TNIK: variants seen among roughly 807,000 people sequenced by gnomAD.
The protein encoded by TNIK is TRAF2 and NCK-interacting protein kinase.
Under a neutral mutation model 191.3 loss-of-function variants are expected in TNIK, and 49 were observed. The observed-to-expected ratio is 0.26, with a 90% CI of 0.20 to 0.32. The LOEUF (loss-of-function observed/expected upper bound fraction) is 0.32, where lower values mean the gene tolerates loss of function less well. Among genes scored for constraint, TNIK ranks in the 10% least tolerant of loss-of-function variants. The probability of loss-of-function intolerance (pLI) is 1.00; values close to 1 mark genes in which losing one functional copy is unlikely to be tolerated. For missense variants in TNIK, 1,155 were observed against 1,702.3 expected, an observed-to-expected ratio of 0.68 and a Z score of 5.66; for synonymous variants, 594 against 600.9, an observed-to-expected ratio of 0.99 and a Z score of 0.17.
chr3:171,358,047 T>A (rs1202010108), intron 2 of TNIK, among the ~76,000 whole-genome samples: 1 of 152,066 alleles, frequency 6.6e-6, no homozygotes, highest in Non-Finnish European at 1.5e-5. Flanking sequence ...CTCCATGAGG[T>A]AGATCCTAAC....
chr3:171,209,049 G>T (rs1204791170), intron 4 of TNIK, among the ~76,000 whole-genome samples: 3 of 142,446 alleles, frequency 2.1e-5, no homozygotes, highest in Admixed American at 1.4e-4. Flanking sequence ...AAAGTAAGGT[G>T]TTTGCTTTGG....
At chr3:171,086,402 T>C (rs1721362232) in intron 24 of TNIK, among the ~76,000 whole-genome samples, 1 of 152,216 alleles carries the variant, frequency 6.6e-6, no homozygotes, top group Non-Finnish European at 1.5e-5. Flanking sequence ...CATTTCCACA[T>C]AGAGCTGGGG....
chr3:171,452,729 A>ACACACAC (rs1728318643), intron 1 of TNIK, among the ~76,000 whole-genome samples: 1 of 142,548 alleles, frequency 7.0e-6, no homozygotes, highest in African/African-American at 2.6e-5. Context: ...ACACACTCCA[A>ACACACAC]ACACACACAC....
chr3:171,310,477 T>C (rs1753902977), intron 2 of TNIK, among the ~76,000 whole-genome samples: 1 of 152,172 alleles, frequency 6.6e-6, no homozygotes, highest in African/African-American at 2.4e-5. Flanking sequence ...TGTAGGGCTA[T>C]AGATTTAGAA....
intron 1 of TNIK, among the ~76,000 whole-genome samples, chr3:171,399,714 A>G (rs1188788512): frequency 6.6e-6 from 1 of 152,236 alleles, no homozygotes; most frequent in Non-Finnish European, 1.5e-5. Context: ...TTTTACTTAT[A>G]AAAACATATA....
At chr3:171,263,213 G>T (rs1483520138) in intron 2 of TNIK, among the ~76,000 whole-genome samples, 1 of 152,152 alleles carries the variant, frequency 6.6e-6, no homozygotes, top group Non-Finnish European at 1.5e-5. Flanking sequence ...TGCTATTTTA[G>T]TTAGTAGAGC....
Position 171,157,576 on chromosome 3 carries a change from G to A in TNIK, c.1105C>T (p.Arg369Trp), listed in dbSNP as rs773057801. The A allele has an allele frequency of 2.8e-5, 44 of 1,558,888 alleles. No homozygotes were observed. Among genetic ancestry groups the A allele is most frequent in the African/African-American group, 5.5e-5 (4 of 73,312 alleles). ...TGCTGCTGCTCCAGCTGCTGCCTCC[G>A]TAGGGCCTCAGAACGCTCCTTGTTG... ...LANKERSEAL[R>W]RQQLEQQQRE... The change falls in exon 12 of 33, where the codon CGG becomes TGG. Residue 369 changes from arginine to tryptophan, a missense_variant. Physicochemically the swap from Arg to Trp is moderately radical, Grantham distance 101. Coordinates refer to ENST00000436636, the MANE Select transcript of TNIK (RefSeq NM_015028.4).
At chr3:171,282,501 C>T (rs1239632022) in intron 2 of TNIK, among the ~76,000 whole-genome samples, 2 of 151,964 alleles carry the variant, frequency 1.3e-5, no homozygotes, top group Admixed American at 6.6e-5. Flanking sequence ...GACACCACGC[C>T]CAGCTAATTT....
At position 171,093,853 on chromosome 3, in the gene TNIK, A is replaced by T. The variant is rs748472999; in HGVS notation, c.2707T>A (p.Leu903Met). ...TACCAACTTACCTCTCTAATCATCAAGGTTCCTTCTCTTGAAATACTGCCG... is the reference window on the plus strand; with the variant it reads ...TACCAACTTACCTCTCTAATCATCATGGTTCCTTCTCTTGAAATACTGCCG... ...FSGSISREGT[L>M]MIRETSGEKK... is the part of the protein sequence containing the mutation. Residue 903 changes from leucine (L) to methionine (M), a missense_variant, in exon 23 of 33, where the codon TTG becomes ATG. This residue lies in a region of TNIK where 735 missense variants were observed against 848.0 expected (regional missense o/e 0.87). Coordinates refer to ENST00000436636, the MANE Select transcript of TNIK (RefSeq NM_015028.4). 5.0e-6 allele frequency: 8 copies of T among 1,613,708 alleles called. No individual in the cohort carries two copies. Among genetic ancestry groups the T allele is most frequent in the Non-Finnish European group, 5.9e-6 (7 of 1,179,754 alleles).
chr3:171,231,312 GTTTT>G (rs1560294581), intron 2 of TNIK, among the ~76,000 whole-genome samples: 6 of 139,834 alleles, frequency 4.3e-5, no homozygotes, highest in African/African-American at 1.5e-4. Context: ...TGTTGTTGTT[GTTTT>G]GTTTTTTTTT....
At chr3:171,080,799 C>T (rs1720579937) in intron 27 of TNIK, among the ~76,000 whole-genome samples, 1 of 152,164 alleles carries the variant, frequency 6.6e-6, no homozygotes, top group Non-Finnish European at 1.5e-5. Flanking sequence ...CATTCATCAC[C>T]TAAACTAAGG....
chr3:171,183,278 C>G (rs1736890945), intron 7 of TNIK, among the ~76,000 whole-genome samples: 1 of 152,182 alleles, frequency 6.6e-6, no homozygotes, highest in Non-Finnish European at 1.5e-5. Flanking sequence ...GTCAGATGGA[C>G]AAACAGAAGG....
At chr3:171,211,336 T>A in intron 3 of TNIK, 95 bp from the exon 4 acceptor site, 3 of 1,389,428 alleles carry the variant, frequency 2.2e-6, no homozygotes, top group Non-Finnish European at 2.9e-6. Context: ...TCTTGTTTTT[T>A]CTTCCTTGTT....
intron 3 of TNIK, among the ~76,000 whole-genome samples, chr3:171,223,892 C>T (rs1183440073): frequency 1.3e-5 from 2 of 152,060 alleles, no homozygotes; most frequent in African/African-American, 4.8e-5. Flanking sequence ...TTTTTGCCCA[C>T]CCAGCATCTT....
chr3:171,443,583 C>T (rs1269910391), intron 1 of TNIK, among the ~76,000 whole-genome samples: 1 of 151,972 alleles, frequency 6.6e-6, no homozygotes, highest in Non-Finnish European at 1.5e-5. Context: ...CCTGTAATCC[C>T]AGCACTTTTG....
chr3:171,194,079 T>A (rs1738369961), intron 5 of TNIK, among the ~76,000 whole-genome samples: 1 of 152,192 alleles, frequency 6.6e-6, no homozygotes, highest in Non-Finnish European at 1.5e-5. Flanking sequence ...CCTTATAAAC[T>A]TTATATGGTG....
intron 27 of TNIK, among the ~76,000 whole-genome samples, chr3:171,081,929 T>C (rs2108365363): frequency 6.6e-6 from 1 of 152,308 alleles, no homozygotes; most frequent in South Asian, 2.1e-4. Flanking sequence ...TCTGTCTGTA[T>C]GTGGTAATAA....
intron 2 of TNIK, among the ~76,000 whole-genome samples, chr3:171,368,980 T>G (rs954822047): frequency 2.0e-5 from 3 of 151,368 alleles, no homozygotes; most frequent in Admixed American, 6.6e-5. Context: ...TCAACTCACA[T>G]TTTCAACCAG....
intron 28 of TNIK, among the ~76,000 whole-genome samples, chr3:171,073,281 C>T (rs1486821503): frequency 1.3e-5 from 2 of 152,008 alleles, no homozygotes; most frequent in Admixed American, 1.3e-4. Flanking sequence ...ACAAAGTCAA[C>T]AAACATAAAC....
Sources: allele counts gnomAD v4.1 joint callset (sites outside exome capture counted in the v4.1 genomes callset), GRCh38; gene constraint gnomAD v4.1.1; regional missense constraint gnomAD v4.1.1; transcripts MANE v1.5; gene names NCBI Gene and HGNC (gene_info 2026-07-23, HGNC 2026-07-21).